The following KANK3 variants were observed in gnomAD, a reference collection of about 807,000 sequenced individuals.
The protein encoded by KANK3 is KN motif and ankyrin repeat domains 3.
In KANK3, 61 loss-of-function variants were observed where a neutral mutation model predicts 65.4. The ratio of observed to expected loss-of-function variants is 0.93; its 90% CI spans 0.76 to 1.15. KANK3 has a LOEUF of 1.15. Ranked by LOEUF, KANK3 falls within the 50% of genes most tolerant of loss-of-function variation. The pLI is 0.00. For missense variants in KANK3, 1,187 were observed against 1,178.8 expected (o/e 1.01, Z -0.10); for synonymous variants, 586 against 543.3 (o/e 1.08, Z -1.09).
At position 8,325,296 on chromosome 19, in the gene KANK3, C is replaced by CTT. The variant is rs573315741; in HGVS notation, c.1937-202_1937-201dup. Among the ~76,000 whole-genome samples the CTT allele has an allele frequency of 9.5e-4, 75 of 78,596 alleles. 7 individuals carry two copies. Among genetic ancestry groups the CTT allele is most frequent in the African/African-American group, 2.4e-3 (44 of 18,638 alleles). The allele number at this position is 78,596 out of a possible 152,430, so 51.6% of individuals were successfully genotyped here. On this transcript the variant is annotated intron_variant, in intron 7 of 10. Coordinates refer to ENST00000330915, the MANE Select transcript of KANK3 (RefSeq NM_198471.3). ...TCAGTGAAGGACCTTCCTGTTTCAT[C>CTT]TTTTTTTTTTTTTTTTTTTTTTTTT... is the stretch of plus-strand genomic sequence containing the variant.
At chr19:8,337,248 G>A (rs1808537) in intron 2 of KANK3, among the ~76,000 whole-genome samples, 85,911 of 142,320 alleles carry the variant, frequency 0.6, 26,145 homozygotes, top group African/African-American at 0.65. Context: ...CTGTCGCCCA[G>A]GCTGGAGTGC....
rs1335209126 is a variant in KANK3, at chr19:8,337,780, T to C, written c.34+15A>G. On this transcript the variant is annotated intron_variant, in intron 2 of 10. Transcript: ENST00000330915. ...ATGCGCACACACACACACATCTCTC[T>C]TTTTGCACACTCACCGGGCAGGTTC... 1 of 1,612,482 alleles carries C rather than the reference T, an allele frequency of 6.2e-7. No individual in the cohort carries two copies. Among genetic ancestry groups the C allele is most frequent in the African/African-American group, 1.3e-5 (1 of 74,912 alleles).
At position 8,334,591 on chromosome 19, in the gene KANK3, G is replaced by T. The variant is rs767839100; in HGVS notation, c.1236C>A (p.Ala412=). 2 of 1,591,244 alleles carry T rather than the reference G, an allele frequency of 1.3e-6. No individual in the cohort carries two copies. Among genetic ancestry groups the T allele is most frequent in the Admixed American group, 3.4e-5 (2 of 58,546 alleles). ...CCTCTGCCGGGGACTCGGTCTGCGC[G>T]GCCTTTTCGGCACAGCTCCACGGGG... is the stretch of plus-strand genomic sequence containing the variant. ...TQTPWSCAEK[A]AQTESPAEAP... is the part of the protein sequence containing the mutation. Residue 412 remains alanine (A), a synonymous_variant, in exon 3 of 11, where the codon GCC becomes GCA. Transcript: ENST00000330915.
intron 2 of KANK3, among the ~76,000 whole-genome samples, chr19:8,336,757 G>T (rs10406333): frequency 8.1e-6 from 1 of 123,704 alleles, no homozygotes; most frequent in East Asian, 2.2e-4. Context: ...AAAAAAAAAA[G>T]GTTGGCGAGG....
Position 8,322,977 on chromosome 19 carries a change from G to A in KANK3, c.2383-55C>T. The A allele has an allele frequency of 4.9e-6, 5 of 1,027,188 alleles. No individual in the cohort carries two copies. In the South Asian group the frequency reaches 6.7e-5, roughly 14 times the overall value. 63.6% of individuals were successfully genotyped at this position (1,027,188 alleles called of 1,614,324 possible). A position where few individuals can be genotyped will look rare whatever the true frequency, so the allele number is the denominator to read the frequency against. Reference sequence around the variant, plus strand: ...CTGCAATCTCCTTGAGGCAGGAAACGTGGGATTCAGCCCCAGCCTCACTTA... The same window carrying A: ...CTGCAATCTCCTTGAGGCAGGAAACATGGGATTCAGCCCCAGCCTCACTTA... On this transcript the variant is annotated intron_variant, in intron 10 of 10. Transcript: ENST00000330915.
At position 8,335,356 on chromosome 19, in the gene KANK3, G is replaced by T; in HGVS notation, c.471C>A (p.Val157=). ...GGCCGGACCCGCGTGGGCTGCGCGG[G>T]ACCCCGCGGCCGGGGCTGGGCGCGC... ...HERAPSPGRG[V]PRSPRGSGRS... is the part of the protein sequence containing the mutation. The change falls in exon 3 of 11, where the codon GTC becomes GTA. Residue 157 remains valine, a synonymous_variant. Transcript: ENST00000330915. 3.3e-6 allele frequency: 4 copies of T among 1,195,086 alleles called. No individual in the cohort carries two copies. Among genetic ancestry groups the T allele is most frequent in the Non-Finnish European group, 3.1e-6 (3 of 964,774 alleles). 74.0% of individuals were successfully genotyped at this position (1,195,086 alleles called of 1,614,324 possible).
Position 8,334,030 on chromosome 19 carries a change from C to T in KANK3, c.1514G>A (p.Gly505Asp). Reference sequence around the variant, plus strand: ...TCCCCCGCCGCTGTCATCCCCGGAGCCCGAGGAGCTACCCGGGGGCTCGGC... The same window carrying T: ...TCCCCCGCCGCTGTCATCCCCGGAGTCCGAGGAGCTACCCGGGGGCTCGGC... ...GGAEPPGSSSGSGDDSGGGSD... is the reference protein window; with the variant it reads ...GGAEPPGSSSDSGDDSGGGSD... Residue 505 changes from glycine to aspartate, a missense_variant, in exon 5 of 11, where the codon GGC (glycine) becomes GAC (aspartate). This residue lies in a region of KANK3 where 1,078 missense variants were observed against 1,038.2 expected (regional missense o/e 1.04). Coordinates refer to ENST00000330915, the MANE Select transcript of KANK3 (RefSeq NM_198471.3). The T allele has an allele frequency of 5.2e-6, 8 of 1,551,622 alleles. No individual in the cohort carries two copies. Among genetic ancestry groups the T allele is most frequent in the Non-Finnish European group, 6.1e-6 (7 of 1,154,410 alleles).
At chr19:8,324,391 TC>T (rs1970380528) in intron 10 of KANK3, 57 bp downstream of exon 10, 1 of 1,470,542 alleles carries the variant, frequency 6.8e-7, no homozygotes, top group Middle Eastern at 1.7e-4. Flanking sequence ...ATATTTACTA[TC>T]CTCTGCAAAC....
In KANK3 at chr19:8,334,519, G is replaced by T; in HGVS notation, c.1308C>A (p.Asp436Glu). Residue 436 changes from aspartate (D) to glutamate (E), a missense_variant, in exon 3 of 11, where the codon GAC (aspartate) becomes GAA (glutamate). Around this residue, in one of 3 missense-constraint regions of KANK3, gnomAD observed 1,078 missense variants for 1,038.2 expected, o/e 1.04. Coordinates refer to ENST00000330915, the MANE Select transcript of KANK3 (RefSeq NM_198471.3). Reference protein sequence around the residue: ...QESSPGSMDGDRAVAPAGILK... With the variant: ...QESSPGSMDGERAVAPAGILK... ...ACTCACCCGCGGGCGCCACGGCCCTGTCTCCGTCCATGGATCCGGGCGAGC... is the reference window on the plus strand; with the variant it reads ...ACTCACCCGCGGGCGCCACGGCCCTTTCTCCGTCCATGGATCCGGGCGAGC... 1.2e-6 allele frequency: 2 copies of T among 1,604,268 alleles called. No homozygotes were observed. Among genetic ancestry groups the T allele is most frequent in the Non-Finnish European group, 1.7e-6 (2 of 1,179,596 alleles).
intron 3 of KANK3, 35 bp from the exon 4 acceptor site, chr19:8,334,454 T>G (rs1970589925): frequency 1.2e-6 from 2 of 1,611,456 alleles, no homozygotes; most frequent in Non-Finnish European, 8.5e-7. Flanking sequence ...TGAGTTCGAG[T>G]CCGGCGCCGA....
At position 8,324,763 on chromosome 19, in the gene KANK3, G is replaced by A. The variant is rs952325653; in HGVS notation, c.2150C>T (p.Ala717Val). 2.7e-5 allele frequency: 43 copies of A among 1,614,036 alleles called. No individual in the cohort carries two copies. Among genetic ancestry groups the A allele is most frequent in the Non-Finnish European group, 3.1e-5 (36 of 1,180,034 alleles). Residue 717 changes from alanine to valine, a missense_variant, in exon 9 of 11, where the codon GCG becomes GTG. By Grantham distance (64) the Ala-to-Val change is moderately conservative (BLOSUM62 0). This residue lies in a region of KANK3 where 1,078 missense variants were observed against 1,038.2 expected (regional missense o/e 1.04). Transcript: ENST00000330915. ...GRQDMVATLL[A>V]CGADVNAQDA... ...CTGCGCATTCACATCAGCCCCACAC[G>A]CCAGTAGGGTTGCCACCATGTCCTG...
In KANK3 at chr19:8,334,679, C is replaced by T. The variant is rs1467963078; in HGVS notation, c.1148G>A (p.Arg383His). 2 of 1,535,438 alleles carry T rather than the reference C, an allele frequency of 1.3e-6. No individual in the cohort carries two copies. The highest frequency in any genetic ancestry group is 1.7e-6 in the Non-Finnish European group (2 of 1,147,588). The change falls in exon 3 of 11, where the codon CGC becomes CAC. Residue 383 changes from arginine to histidine, a missense_variant. Physicochemically the swap from Arg to His is conservative, Grantham distance 29 (BLOSUM62 0). Coordinates refer to ENST00000330915, the MANE Select transcript of KANK3 (RefSeq NM_198471.3). ...CGCCGCTGCCTCCTCCGCAGCCTCG[C>T]GGGCTTCCTCCAGCTCCCGCAACCG... ...RGRLRELEEA[R>H]EAAEEAAAGA...
chr19:8,325,198 G>A, intron 7 of KANK3, 102 bp from the exon 8 acceptor site: 1 of 1,343,174 alleles, frequency 7.4e-7, no homozygotes, highest in Non-Finnish European at 9.9e-7. Flanking sequence ...TGCATATGGG[G>A]TGGTCTCAAC....
chr19:8,335,138 T>A lies in KANK3; in HGVS notation c.689A>T (p.Gln230Leu). ...CTCAGCCTCCCCGTCCGGCTCGGGC[T>A]GCGCGCGCCCGGCCAGCAGCCGCGC... ...EKARLLAGRA[Q>L]PEPDGEAETR... Residue 230 changes from glutamine to leucine, a missense_variant, in exon 3 of 11, where the codon CAG (glutamine) becomes CTG (leucine). Physicochemically the swap from Gln to Leu is moderately radical, Grantham distance 113. This residue lies in a region of KANK3 where 1,078 missense variants were observed against 1,038.2 expected (regional missense o/e 1.04). Coordinates refer to ENST00000330915, the MANE Select transcript of KANK3 (RefSeq NM_198471.3). The A allele has an allele frequency of 8.1e-7, 1 of 1,229,572 alleles. No individual in the cohort carries two copies. The highest frequency in any genetic ancestry group is 1.0e-6 in the Non-Finnish European group (1 of 987,790). The allele number at this position is 1,229,572 out of a possible 1,614,324, so 76.2% of individuals were successfully genotyped here.
Position 8,335,231 on chromosome 19 carries a change from T to C in KANK3, c.596A>G (p.Glu199Gly). 2 of 1,227,270 alleles carry C rather than the reference T, an allele frequency of 1.6e-6. No homozygotes were observed. Among genetic ancestry groups the C allele is most frequent in the South Asian group, 3.0e-5 (1 of 33,700 alleles). The allele number at this position is 1,227,270 out of a possible 1,614,324, so 76.0% of individuals were successfully genotyped here. ...CAGCGTTCGCGCCTGGTCCTCGAGC[T>C]CGCGCAGGCGCCGCAGCGCCGCGGC... Reference protein sequence around the residue: ...QMAAALRRLRELEDQARTLPE... With the variant: ...QMAAALRRLRGLEDQARTLPE... The change falls in exon 3 of 11, where the codon GAG (glutamate) becomes GGG (glycine). Residue 199 changes from glutamate (E) to glycine (G), a missense_variant. Glu to Gly is a moderately conservative substitution (Grantham distance 98). Around this residue, in one of 3 missense-constraint regions of KANK3, gnomAD observed 1,078 missense variants for 1,038.2 expected, o/e 1.04. Coordinates refer to ENST00000330915, the MANE Select transcript of KANK3 (RefSeq NM_198471.3).
intron 7 of KANK3, among the ~76,000 whole-genome samples, chr19:8,327,667 G>GGACA (rs1970453028): frequency 6.6e-6 from 1 of 152,126 alleles, no homozygotes; most frequent in South Asian, 2.1e-4. Context: ...GGTGGTTCAT[G>GGACA]CCTGTGGTCC....
chr19:8,331,971 A>G (rs1970532424), intron 7 of KANK3, among the ~76,000 whole-genome samples: 1 of 144,618 alleles, frequency 6.9e-6, no homozygotes, highest in Non-Finnish European at 1.5e-5. Flanking sequence ...TGGTGGGGCC[A>G]AAAGGCCTCT....
At position 8,322,588 on chromosome 19, in the gene KANK3, A is replaced by G. The variant is rs1220422984; in HGVS notation, c.*251T>C. On this transcript the variant is annotated 3_prime_UTR_variant, in exon 11 of 11. Coordinates refer to ENST00000330915, the MANE Select transcript of KANK3 (RefSeq NM_198471.3). ...ACCCCAAACAAAACACAAGCGTAGT[A>G]GGAATGTTTTATTAGCAAAGAAGTT... The G allele has an allele frequency of 3.6e-6, 2 of 548,194 alleles. No individual in the cohort carries two copies. Among genetic ancestry groups the G allele is most frequent in the East Asian group, 3.2e-5 (1 of 31,172 alleles). 34.0% of individuals were successfully genotyped at this position (548,194 alleles called of 1,614,324 possible). A position where few individuals can be genotyped will look rare whatever the true frequency, so the allele number is the denominator to read the frequency against.
At chr19:8,340,291 T>TATAC (rs1472181365) in intron 1 of KANK3, among the ~76,000 whole-genome samples, 17 of 92,864 alleles carry the variant, frequency 1.8e-4, no homozygotes, top group East Asian at 1.6e-3. Context: ...TATATATATA[T>TATAC]ACACACACAC....
Sources: gnomAD v4.1 joint callset for allele counts (sites outside exome capture counted in the v4.1 genomes callset) on GRCh38, gnomAD v4.1.1 for gene constraint, gnomAD v4.1.1 regional missense constraint, MANE v1.5 for transcripts, NCBI Gene and HGNC (gene_info 2026-07-23, HGNC 2026-07-21) for gene names.